Variants in MAGI2 observed in about 807,000 individuals in gnomAD.
MAGI2 encodes the protein membrane associated guanylate kinase, WW and PDZ domain containing 2.
Under a neutral mutation model 133.3 loss-of-function variants are expected in MAGI2, and 35 were observed. The ratio of observed to expected loss-of-function variants is 0.26; its 90% confidence interval spans 0.20 to 0.35. The LOEUF (loss-of-function observed/expected upper bound fraction) is 0.35, where lower values mean the gene tolerates loss of function less well. Among genes scored for constraint, MAGI2 ranks in the 10% least tolerant of loss-of-function variants. The pLI, the probability that MAGI2 is intolerant of heterozygous loss-of-function variation, is 1.00. For missense variants in MAGI2, 1,636 were observed against 1,863.4 expected (o/e 0.88, Z 2.25); for synonymous variants, 729 against 710.6 (o/e 1.03, Z -0.41).
intron 2 of MAGI2, among the ~76,000 whole-genome samples, chr7:78,876,114 AGT>A (rs1795397788): frequency 6.6e-6 from 1 of 152,082 alleles, no homozygotes; most frequent in East Asian, 1.9e-4. Flanking sequence ...CAAGGTCAGG[AGT>A]TCAAGACCAG....
intron 10 of MAGI2, among the ~76,000 whole-genome samples, chr7:78,224,694 ATTTT>A (rs566236945): frequency 7.0e-6 from 1 of 142,324 alleles, no homozygotes; most frequent in African/African-American, 2.6e-5. Flanking sequence ...AACAACGTAA[ATTTT>A]TTTTTTTTTT....
At chr7:78,734,481 A>C (rs976887088) in intron 2 of MAGI2, among the ~76,000 whole-genome samples, 2 of 152,126 alleles carry the variant, frequency 1.3e-5, no homozygotes, top group Non-Finnish European at 2.9e-5. Context: ...TGGAATATTA[A>C]TTGCATTTAT....
intron 2 of MAGI2, among the ~76,000 whole-genome samples, chr7:78,957,264 C>CAA (rs1187620956): frequency 3.3e-3 from 139 of 42,354 alleles, no homozygotes; most frequent in African/African-American, 7.4e-3. Flanking sequence ...GACTCCATCT[C>CAA]AAAAAAAAAA....
intron 1 of MAGI2, among the ~76,000 whole-genome samples, chr7:79,205,060 TA>T (rs543792544): frequency 5.7e-4 from 84 of 148,520 alleles, no homozygotes; most frequent in East Asian, 2.0e-3. Context: ...GAAAGTTTAT[TA>T]AAAAAAAAAT....
At chr7:79,248,895 C>T (rs1437544795) in intron 1 of MAGI2, among the ~76,000 whole-genome samples, 1 of 151,572 alleles carries the variant, frequency 6.6e-6, no homozygotes, top group Non-Finnish European at 1.5e-5. Flanking sequence ...CGGAGATTTG[C>T]TCTTGTTGCC....
intron 20 of MAGI2, among the ~76,000 whole-genome samples, chr7:78,109,251 C>G (rs1424916157): frequency 7.9e-6 from 1 of 126,044 alleles, no homozygotes; most frequent in Non-Finnish European, 1.6e-5. Flanking sequence ...TTGCAGTGAG[C>G]CGACATCGAG....
At position 78,847,737 on chromosome 7, in the gene MAGI2, G is replaced by T. The variant is rs145468699; in HGVS notation, c.418+159353C>A. Among the ~76,000 whole-genome samples the T allele has an allele frequency of 1.8e-3, 278 of 151,832 alleles. 1 individual carries two copies. The highest frequency in any genetic ancestry group is 6.5e-3 in the African/African-American group (270 of 41,420). The stretch of plus-strand genomic sequence containing the variant: ...TTTCCTGATCACTCTATCTAAAATG[G>T]CACCCTGTGTCATTCTCTAATCCTT... On this transcript the variant is annotated intron_variant, in intron 2 of 21. Coordinates refer to ENST00000354212, the MANE Select transcript of MAGI2 (RefSeq NM_012301.4).
chr7:78,069,406 G>A (rs751217117), intron 21 of MAGI2, among the ~76,000 whole-genome samples: 2 of 152,054 alleles, frequency 1.3e-5, no homozygotes, highest in Admixed American at 6.6e-5. Context: ...TGTGGAGAGC[G>A]AGAGGGAATG....
At chr7:78,139,097 C>A (rs1822475946) in intron 16 of MAGI2, among the ~76,000 whole-genome samples, 1 of 151,944 alleles carries the variant, frequency 6.6e-6, no homozygotes. Flanking sequence ...GACTAGAAAT[C>A]AAAATAAAAG....
chr7:79,206,789 T>A (rs745474996), intron 1 of MAGI2, among the ~76,000 whole-genome samples: 1 of 151,760 alleles, frequency 6.6e-6, no homozygotes, highest in Non-Finnish European at 1.5e-5. Flanking sequence ...ATATCCCTGA[T>A]GAATATAGAT....
At chr7:79,248,014 A>G (rs776008688) in intron 1 of MAGI2, among the ~76,000 whole-genome samples, 3 of 152,162 alleles carry the variant, frequency 2.0e-5, no homozygotes, top group South Asian at 2.1e-4. Context: ...GTAAGTTCAT[A>G]CTTATTAATA....
In MAGI2 at chr7:78,018,259, A is replaced by T. The variant is rs1807949047; in HGVS notation, c.*1056T>A. The T allele has an allele frequency of 6.6e-6, 1 of 152,622 alleles. No homozygotes were observed. Among genetic ancestry groups the T allele is most frequent in the South Asian group, 2.1e-4 (1 of 4,830 alleles). 9.5% of individuals were successfully genotyped at this position (152,622 alleles called of 1,614,324 possible). ...CTTTAATGAAAATAAATTGATTGTAATTTTTTAATATTATAATCTGAGAAA... is the reference window on the plus strand; with the variant it reads ...CTTTAATGAAAATAAATTGATTGTATTTTTTTAATATTATAATCTGAGAAA... On this transcript the variant is annotated 3_prime_UTR_variant, in exon 22 of 22. Transcript: ENST00000354212.
At chr7:79,367,092 CAAGTCAAAAA>C (rs1488448395) in intron 1 of MAGI2, among the ~76,000 whole-genome samples, 3 of 152,154 alleles carry the variant, frequency 2.0e-5, no homozygotes, top group African/African-American at 4.8e-5. Context: ...CTGATCCTGG[CAAGTCAAAAA>C]AGAGCGTAAT....
chr7:78,712,260 C>G (rs1294986642), intron 2 of MAGI2, among the ~76,000 whole-genome samples: 2 of 152,140 alleles, frequency 1.3e-5, no homozygotes, highest in African/African-American at 4.8e-5. Context: ...GGAAAGATGA[C>G]TAGATAAAGT....
chr7:78,065,106 CTGGGAAATACCCATGA>C (rs1010898239), intron 21 of MAGI2, among the ~76,000 whole-genome samples: 2 of 152,062 alleles, frequency 1.3e-5, no homozygotes, highest in Non-Finnish European at 2.9e-5. Flanking sequence ...ACAGAGCAGG[CTGGGAAATACCCATGA>C]TGCCAGGTGG....
At chr7:78,733,298 T>C (rs1821543076) in intron 2 of MAGI2, among the ~76,000 whole-genome samples, 1 of 152,198 alleles carries the variant, frequency 6.6e-6, no homozygotes, top group Non-Finnish European at 1.5e-5. Context: ...TCTACTTCAC[T>C]AGCCAAATGA....
At chr7:78,714,470 T>TC (rs1280647578) in intron 2 of MAGI2, among the ~76,000 whole-genome samples, 1 of 152,114 alleles carries the variant, frequency 6.6e-6, no homozygotes, top group East Asian at 1.9e-4. Context: ...CTGTGTGTTC[T>TC]CCCCCACCTT....
intron 1 of MAGI2, among the ~76,000 whole-genome samples, chr7:79,155,625 A>G (rs985054501): frequency 2.6e-5 from 4 of 152,122 alleles, no homozygotes; most frequent in Middle Eastern, 3.2e-3. Flanking sequence ...AGAAAAAGGC[A>G]AAGGGGGACC....
At chr7:79,339,725 A>T (rs1441417096) in intron 1 of MAGI2, among the ~76,000 whole-genome samples, 2 of 152,078 alleles carry the variant, frequency 1.3e-5, no homozygotes, top group Non-Finnish European at 2.9e-5. Flanking sequence ...GTTGTGGCAC[A>T]TTCTATATTG....
Sources: allele counts gnomAD v4.1 joint callset (sites outside exome capture counted in the v4.1 genomes callset), GRCh38; gene constraint gnomAD v4.1.1; transcripts MANE v1.5; gene names NCBI Gene and HGNC (gene_info 2026-07-23, HGNC 2026-07-21).